Variants in KIF18A observed in about 807,000 individuals in gnomAD.
The protein encoded by KIF18A is kinesin family member 18A.
A neutral mutation model predicts 103.3 loss-of-function variants in KIF18A; 67 were observed. The ratio of observed to expected loss-of-function variants is 0.65; its 90% CI spans 0.53 to 0.79. The LOEUF (loss-of-function observed/expected upper bound fraction) is 0.79. Among genes scored for constraint, KIF18A ranks in the 30% least tolerant of loss-of-function variants. KIF18A has a pLI of 0.00. For synonymous variants in KIF18A, 367 were observed against 355.5 expected, an observed-to-expected ratio of 1.03 and a Z score of -0.36; for missense variants, 1,032 against 1,062.5, an observed-to-expected ratio of 0.97 and a Z score of 0.40.
At chr11:28,046,814 G>C (rs1850641581) in intron 13 of KIF18A, among the ~76,000 whole-genome samples, 2 of 150,766 alleles carry the variant, frequency 1.3e-5, no homozygotes, top group South Asian at 4.2e-4. Flanking sequence ...CACTTTGGGA[G>C]GCTGAGATAG....
chr11:28,066,536 T>C (rs1010726151), intron 11 of KIF18A, among the ~76,000 whole-genome samples: 2 of 151,880 alleles, frequency 1.3e-5, no homozygotes, highest in African/African-American at 2.4e-5. Flanking sequence ...TTTTGAGTCA[T>C]TATATCATCT....
chr11:28,101,420 G>T (rs997893198), intron 1 of KIF18A, among the ~76,000 whole-genome samples: 1 of 152,244 alleles, frequency 6.6e-6, no homozygotes, highest in Middle Eastern at 3.4e-3. Context: ...CAAGGCTGGA[G>T]GATATCCCTC....
At chr11:28,085,814 G>A (rs1851220613) in intron 6 of KIF18A, among the ~76,000 whole-genome samples, 1 of 152,070 alleles carries the variant, frequency 6.6e-6, no homozygotes, top group Non-Finnish European at 1.5e-5. Flanking sequence ...CCGCACACGG[G>A]GAGGACACCT....
At chr11:28,092,516 C>T (rs1226421687) in intron 3 of KIF18A, among the ~76,000 whole-genome samples, 1 of 152,106 alleles carries the variant, frequency 6.6e-6, no homozygotes, top group African/African-American at 2.4e-5. Flanking sequence ...TAGTTTATAT[C>T]TCTGGCCATT....
At chr11:28,021,367 C>A (rs1850241080) in intron 16 of KIF18A, 85 bp from the exon 17 acceptor site, 2 of 1,094,888 alleles carry the variant, frequency 1.8e-6, no homozygotes, top group Admixed American at 4.4e-5. Context: ...AAATTATGAC[C>A]ATAGAAAGAA....
At chr11:28,045,110 A>G (rs1850614551) in intron 13 of KIF18A, among the ~76,000 whole-genome samples, 1 of 152,108 alleles carries the variant, frequency 6.6e-6, no homozygotes, top group African/African-American at 2.4e-5. Flanking sequence ...AGTGTAATAA[A>G]AGCAATAAAT....
chr11:28,044,196 G>A (rs1379792192), intron 13 of KIF18A, among the ~76,000 whole-genome samples: 1 of 151,974 alleles, frequency 6.6e-6, no homozygotes, highest in African/African-American at 2.4e-5. Flanking sequence ...GTAGACTGGG[G>A]CCAACATGCA....
chr11:28,028,219 A>G (rs1265666143), intron 15 of KIF18A, among the ~76,000 whole-genome samples: 3 of 152,276 alleles, frequency 2.0e-5, no homozygotes, highest in Non-Finnish European at 2.9e-5. Context: ...AATCAACAGA[A>G]TATACATTCT....
chr11:28,051,616 T>C (rs1364249223), intron 13 of KIF18A, among the ~76,000 whole-genome samples: 1 of 151,970 alleles, frequency 6.6e-6, no homozygotes, highest in East Asian at 1.9e-4. Flanking sequence ...TTTTACTACA[T>C]AAATGTTTTA....
At chr11:28,087,584 T>C (rs1298721101) in intron 6 of KIF18A, among the ~76,000 whole-genome samples, 2 of 152,152 alleles carry the variant, frequency 1.3e-5, no homozygotes, top group Non-Finnish European at 2.9e-5. Context: ...GATTTATAAT[T>C]CTTTGGGCGT....
At chr11:28,057,931 G>A (rs567128329) in intron 13 of KIF18A, among the ~76,000 whole-genome samples, 84 of 152,178 alleles carry the variant, frequency 5.5e-4, no homozygotes, top group African/African-American at 1.9e-3. Flanking sequence ...AAAGTTGCAG[G>A]TCACTATGTG....
intron 15 of KIF18A, among the ~76,000 whole-genome samples, chr11:28,025,611 T>C (rs1307724978): frequency 6.6e-6 from 1 of 151,998 alleles, no homozygotes; most frequent in East Asian, 1.9e-4. Flanking sequence ...ATAAATTGCG[T>C]ATTTATATAA....
intron 13 of KIF18A, among the ~76,000 whole-genome samples, chr11:28,043,390 T>C (rs1252090997): frequency 6.6e-6 from 1 of 151,824 alleles, no homozygotes; most frequent in Admixed American, 6.6e-5. Context: ...ATAATTATAA[T>C]AAGCAAACAG....
intron 7 of KIF18A, 127 bp from the exon 8 acceptor site, chr11:28,083,370 C>T (rs1393966601): frequency 7.9e-6 from 8 of 1,017,288 alleles, no homozygotes; most frequent in Non-Finnish European, 1.1e-5. Context: ...ATTATGCTCA[C>T]ATTTAAAATC....
At position 28,036,406 on chromosome 11, in the gene KIF18A, C is replaced by T. The variant is rs776356480; in HGVS notation, c.2207G>A (p.Ser736Asn). The T allele has an allele frequency of 8.1e-6, 13 of 1,610,968 alleles. No homozygotes were observed. The highest frequency in any genetic ancestry group is 8.0e-5 in the African/African-American group (6 of 74,674). ...ACAATTATCACTGTTTATGTTTGAG[C>T]TGATAGCCTGAAAACTTGTAGTAAA... ...SSFTTSFQAI[S>N]SNINSDNCLK... The change falls in exon 14 of 17, where the codon AGC (serine) becomes AAC (asparagine). Residue 736 changes from serine (S) to asparagine (N), a missense_variant. Transcript: ENST00000263181.
intron 13 of KIF18A, among the ~76,000 whole-genome samples, chr11:28,054,619 G>C (rs970052580): frequency 6.6e-6 from 1 of 152,086 alleles, no homozygotes; most frequent in Non-Finnish European, 1.5e-5. Context: ...TATAAACACC[G>C]TTCCTATTAT....
chr11:28,024,547 G>A (rs1393611495), intron 15 of KIF18A, among the ~76,000 whole-genome samples: 3 of 151,966 alleles, frequency 2.0e-5, no homozygotes, highest in Non-Finnish European at 4.4e-5. Context: ...GACATACAGT[G>A]GAGATGAGAA....
At chr11:28,058,783 T>C (rs1212947797) in intron 13 of KIF18A, 143 bp downstream of exon 13, 3 of 628,766 alleles carry the variant, frequency 4.8e-6, no homozygotes, top group South Asian at 2.0e-5. Flanking sequence ...TACTGGTTAA[T>C]TGAAATGACT....
chr11:28,045,228 CTA>C (rs1850616152), intron 13 of KIF18A, among the ~76,000 whole-genome samples: 1 of 151,948 alleles, frequency 6.6e-6, no homozygotes, highest in Admixed American at 6.6e-5. Flanking sequence ...AGAGAAACAT[CTA>C]CAAATGTATT....
Sources: allele counts gnomAD v4.1 joint callset (sites outside exome capture counted in the v4.1 genomes callset), GRCh38; gene constraint gnomAD v4.1.1; transcripts MANE v1.5; gene names NCBI Gene and HGNC (gene_info 2026-07-23, HGNC 2026-07-21).